Variants in ARL15 observed in about 807,000 individuals in gnomAD.
The protein encoded by ARL15 is ARF like GTPase 15, also known as ADP-ribosylation factor-like protein 15.
In ARL15, 19 loss-of-function variants were observed where a neutral mutation model predicts 25.2. The observed-to-expected ratio is 0.75, with a 90% CI of 0.53 to 1.10. The LOEUF is 1.10. ARL15 is among the 50% of genes least tolerant of loss of function. ARL15 has a pLI of 0.00. For missense variants in ARL15, 220 were observed against 246.0 expected (o/e 0.89, Z 0.71); for synonymous variants, 94 against 86.8 (o/e 1.08, Z -0.46).
In ARL15 at chr5:53,891,994, G is replaced by A. The variant is rs550905651; in HGVS notation, c.463-5281C>T. Among the ~76,000 whole-genome samples the A allele has an allele frequency of 9.8e-5, 15 of 152,290 alleles. 1 individual carries two copies. In the South Asian group the frequency reaches 2.9e-3, roughly 29 times the overall value. ...TGTCCTCATCATTTGTATTATAAGA[G>A]TACAGGGTTTTCCCCCATGAGCTTT... On this transcript the variant is annotated intron_variant, in intron 4 of 4. Coordinates refer to ENST00000504924, the MANE Select transcript of ARL15 (RefSeq NM_019087.3).
chr5:54,285,446 G>A (rs1370293746), intron 1 of ARL15: 1 of 466,138 alleles, frequency 2.1e-6, no homozygotes, highest in Non-Finnish European at 2.8e-6. Flanking sequence ...TTACTATACA[G>A]TCCAAAAAAT....
intron 4 of ARL15, among the ~76,000 whole-genome samples, chr5:54,006,051 C>CAA (rs56094450): frequency 7.3e-3 from 417 of 57,270 alleles, no homozygotes; most frequent in African/African-American, 0.013. Context: ...ATTACATCTC[C>CAA]AAAAAAAAAA....
intron 1 of ARL15, among the ~76,000 whole-genome samples, chr5:54,177,746 T>C (rs1301138734): frequency 6.6e-6 from 1 of 152,190 alleles, no homozygotes; most frequent in Non-Finnish European, 1.5e-5. Context: ...ATCACCACTA[T>C]TCCTTCACAT....
At chr5:54,198,259 C>T (rs1313521644) in intron 1 of ARL15, among the ~76,000 whole-genome samples, 9 of 152,244 alleles carry the variant, frequency 5.9e-5, no homozygotes, top group Admixed American at 2.0e-4. Flanking sequence ...CCTCTCTCAC[C>T]GCTCCTATTC....
chr5:54,135,697 C>A (rs1027261270), intron 3 of ARL15, among the ~76,000 whole-genome samples: 11 of 152,180 alleles, frequency 7.2e-5, no homozygotes, highest in African/African-American at 2.7e-4. Flanking sequence ...TGCAAGTACT[C>A]AGTTTGGGAC....
intron 1 of ARL15, among the ~76,000 whole-genome samples, chr5:54,271,117 T>C (rs1290972589): frequency 6.6e-6 from 1 of 152,208 alleles, no homozygotes; most frequent in East Asian, 1.9e-4. Context: ...AGTTACAACA[T>C]TGGCTTTCCT....
chr5:54,155,241 CT>C (rs1268224147), intron 2 of ARL15, among the ~76,000 whole-genome samples: 2 of 152,100 alleles, frequency 1.3e-5, no homozygotes, highest in African/African-American at 4.8e-5. Context: ...CACTCTGCAA[CT>C]TTTATCAGAT....
rs538614528 is a variant in ARL15, at chr5:54,031,878, C to G, written c.462+81324G>C. ...TCAATGACAAAGTTTTTCTTGGGCT[C>G]GTTATATAGAAAGGAAAAAGGATGT... is the stretch of plus-strand genomic sequence containing the variant. On this transcript the variant is annotated intron_variant, in intron 4 of 4. Coordinates refer to ENST00000504924, the MANE Select transcript of ARL15 (RefSeq NM_019087.3). 7.9e-5 allele frequency among the ~76,000 whole-genome samples: 12 copies of G among 152,002 alleles called. No homozygotes were observed. In the East Asian group the frequency reaches 2.1e-3, roughly 27 times the overall value.
chr5:54,226,200 C>G (rs1756512545), intron 1 of ARL15, among the ~76,000 whole-genome samples: 1 of 152,098 alleles, frequency 6.6e-6, no homozygotes, highest in African/African-American at 2.4e-5. Flanking sequence ...AGGTCAAGGC[C>G]TGAAGGTTGA....
intron 4 of ARL15, among the ~76,000 whole-genome samples, chr5:54,005,448 G>A (rs986140770): frequency 4.6e-5 from 7 of 152,144 alleles, no homozygotes; most frequent in African/African-American, 1.7e-4. Flanking sequence ...TGGACCGGGT[G>A]CAGTGGCTCA....
intron 4 of ARL15, among the ~76,000 whole-genome samples, chr5:53,947,216 G>GTC (rs1554028786): frequency 7.4e-6 from 1 of 134,816 alleles, no homozygotes; most frequent in Non-Finnish European, 1.6e-5. Context: ...GTGTGTGTGT[G>GTC]TGTGTTGAGG....
At chr5:54,289,231 C>A (rs1337510324) in intron 1 of ARL15, among the ~76,000 whole-genome samples, 1 of 152,122 alleles carries the variant, frequency 6.6e-6, no homozygotes, top group African/African-American at 2.4e-5. Context: ...ACATTTTGTG[C>A]CCAGCCATGT....
intron 1 of ARL15, among the ~76,000 whole-genome samples, chr5:54,219,557 T>C (rs557281036): frequency 6.6e-6 from 1 of 152,164 alleles, no homozygotes; most frequent in Non-Finnish European, 1.5e-5. Context: ...AATTACATAC[T>C]AATTAAATAC....
chr5:53,885,285 T>G lies in ARL15; in HGVS notation c.*1276A>C, dbSNP rs1317903666. ...ACAAAGTATGCCAAAGAATATTTCA[T>G]CTGTGAACCTCAATATGCATAGATT... is the stretch of plus-strand genomic sequence containing the variant. On this transcript the variant is annotated 3_prime_UTR_variant, in exon 5 of 5. Transcript: ENST00000504924. 1 of 152,616 alleles carries G rather than the reference T, an allele frequency of 6.6e-6. No homozygotes were observed. The highest frequency in any genetic ancestry group is 2.4e-5 in the African/African-American group (1 of 41,456). 9.5% of individuals were successfully genotyped at this position (152,616 alleles called of 1,614,324 possible).
At chr5:54,180,473 C>T (rs25861) in intron 1 of ARL15, among the ~76,000 whole-genome samples, 98,861 of 152,056 alleles carry the variant, frequency 0.65, 32,566 homozygotes, top group East Asian at 0.99. Flanking sequence ...GGCTGCCAGA[C>T]ACAGCCCAGC....
At chr5:54,132,716 C>A (rs997782053) in intron 3 of ARL15, among the ~76,000 whole-genome samples, 1 of 152,094 alleles carries the variant, frequency 6.6e-6, no homozygotes, top group Non-Finnish European at 1.5e-5. Flanking sequence ...CATGCCTCCC[C>A]TTTTTAGACC....
chr5:54,273,293 C>T (rs1757838505), intron 1 of ARL15, among the ~76,000 whole-genome samples: 2 of 152,142 alleles, frequency 1.3e-5, no homozygotes, highest in South Asian at 4.1e-4. Context: ...CTTAAAAAAG[C>T]AACACCAATG....
chr5:53,906,596 G>A (rs563399725), intron 4 of ARL15, among the ~76,000 whole-genome samples: 1 of 152,270 alleles, frequency 6.6e-6, no homozygotes, highest in South Asian at 2.1e-4. Flanking sequence ...CTTATTCAAA[G>A]CACTAAAAGA....
intron 2 of ARL15, among the ~76,000 whole-genome samples, chr5:54,169,460 A>G (rs953701795): frequency 6.6e-6 from 1 of 152,204 alleles, no homozygotes; most frequent in Non-Finnish European, 1.5e-5. Context: ...TCCTATCTCT[A>G]GCTATGTAAC....
Sources: allele counts gnomAD v4.1 joint callset (sites outside exome capture counted in the v4.1 genomes callset), GRCh38; gene constraint gnomAD v4.1.1; transcripts MANE v1.5; gene names NCBI Gene and HGNC (gene_info 2026-07-23, HGNC 2026-07-21).